Variants in SYT1 observed in about 807,000 individuals in gnomAD.
SYT1 encodes the protein synaptotagmin 1, also known as synaptotagmin-1.
A neutral mutation model predicts 44.8 loss-of-function variants in SYT1; 8 were observed. The ratio of observed to expected loss-of-function variants is 0.18; its 90% CI spans 0.10 to 0.32. SYT1 has a LOEUF of 0.32. Among genes scored for constraint, SYT1 ranks in the 10% least tolerant of loss-of-function variants. The pLI, the probability that SYT1 is intolerant of heterozygous loss-of-function variation, is 1.00. For synonymous variants in SYT1, 154 were observed against 188.8 expected, an observed-to-expected ratio of 0.82 and a Z score of 1.51; for missense variants, 286 against 509.3, an observed-to-expected ratio of 0.56 and a Z score of 4.22.
chr12:79,072,849 A>G (rs1014471968), intron 3 of SYT1, among the ~76,000 whole-genome samples: 6 of 152,264 alleles, frequency 3.9e-5, no homozygotes, highest in Middle Eastern at 3.4e-3. Context: ...ACAGCAATGA[A>G]CACAATGTTC....
intron 3 of SYT1, among the ~76,000 whole-genome samples, chr12:79,135,176 A>C (rs900889735): frequency 6.6e-6 from 1 of 152,016 alleles, no homozygotes; most frequent in African/African-American, 2.4e-5. Flanking sequence ...ATATGTATAC[A>C]TGTGCCATGT....
chr12:78,953,028 A>T (rs1879043362), intron 1 of SYT1, among the ~76,000 whole-genome samples: 2 of 152,110 alleles, frequency 1.3e-5, no homozygotes, highest in African/African-American at 4.8e-5. Flanking sequence ...TTAAATATTC[A>T]GTTTACTTCA....
intron 1 of SYT1, among the ~76,000 whole-genome samples, chr12:78,968,394 A>G (rs1455842171): frequency 1.3e-5 from 2 of 152,176 alleles, no homozygotes; most frequent in Admixed American, 1.3e-4. Flanking sequence ...ACCACCCTCA[A>G]AAGGAAACTT....
intron 9 of SYT1, among the ~76,000 whole-genome samples, chr12:79,383,993 C>G (rs972706728): frequency 3.3e-5 from 5 of 152,072 alleles, no homozygotes; most frequent in African/African-American, 1.2e-4. Flanking sequence ...TATTTGTGTC[C>G]TAACTATTTA....
chr12:79,041,120 T>G (rs1183767326), intron 2 of SYT1, among the ~76,000 whole-genome samples: 1 of 151,900 alleles, frequency 6.6e-6, no homozygotes, highest in East Asian at 1.9e-4. Flanking sequence ...CTTTTTTGGT[T>G]CCATATGAAC....
At chr12:78,976,015 A>T (rs538946561) in intron 1 of SYT1, among the ~76,000 whole-genome samples, 1 of 152,278 alleles carries the variant, frequency 6.6e-6, no homozygotes, top group South Asian at 2.1e-4. Flanking sequence ...CAGCAAACAA[A>T]CAGTGTTGGT....
At chr12:78,867,819 T>C (rs74107089) in intron 1 of SYT1, among the ~76,000 whole-genome samples, 21 of 152,130 alleles carry the variant, frequency 1.4e-4, no homozygotes, top group African/African-American at 4.8e-4. Context: ...ATTGTATTTA[T>C]ACGATTTGCA....
intron 1 of SYT1, among the ~76,000 whole-genome samples, chr12:78,976,390 T>G (rs895963557): frequency 6.6e-5 from 10 of 152,202 alleles, no homozygotes; most frequent in African/African-American, 2.4e-4. Flanking sequence ...GGAATAAAAC[T>G]CTCTTGTGAA....
At chr12:79,187,027 A>C (rs567326687) in intron 3 of SYT1, among the ~76,000 whole-genome samples, 1 of 152,172 alleles carries the variant, frequency 6.6e-6, no homozygotes, top group Admixed American at 6.6e-5. Flanking sequence ...TACTAATTAG[A>C]TATAAGAAAG....
chr12:78,985,363 C>T (rs1869570573), intron 2 of SYT1, among the ~76,000 whole-genome samples: 2 of 151,774 alleles, frequency 1.3e-5, no homozygotes, highest in African/African-American at 2.4e-5. Context: ...TAACTGTAAG[C>T]AAGGGAGAAT....
At chr12:79,389,864 T>A (rs988879174) in intron 9 of SYT1, among the ~76,000 whole-genome samples, 3 of 152,178 alleles carry the variant, frequency 2.0e-5, no homozygotes, top group African/African-American at 7.2e-5. Flanking sequence ...TCACTCTAGC[T>A]ACCCAATGCA....
chr12:79,041,006 C>G (rs1325363581), intron 2 of SYT1, among the ~76,000 whole-genome samples: 5 of 151,752 alleles, frequency 3.3e-5, no homozygotes, highest in Admixed American at 2.6e-4. Context: ...TACCAGTACC[C>G]TGCTGTTTTG....
intron 3 of SYT1, among the ~76,000 whole-genome samples, chr12:79,088,552 G>A (rs1877544735): frequency 6.6e-6 from 1 of 151,748 alleles, no homozygotes; most frequent in African/African-American, 2.4e-5. Context: ...GCTGGAGGAG[G>A]GAAAGGCACA....
chr12:79,370,664 G>T (rs1433344092), intron 9 of SYT1, among the ~76,000 whole-genome samples: 1 of 152,168 alleles, frequency 6.6e-6, no homozygotes, highest in Non-Finnish European at 1.5e-5. Context: ...TCAGGAGGCT[G>T]AGACAGGAGA....
chr12:78,979,706 T>A (rs2137431778), intron 2 of SYT1, among the ~76,000 whole-genome samples: 1 of 152,232 alleles, frequency 6.6e-6, no homozygotes, highest in South Asian at 2.1e-4. Flanking sequence ...ATATCTTAAA[T>A]TAAAATTTTA....
At chr12:79,436,911 G>A (rs115357439) in intron 9 of SYT1, among the ~76,000 whole-genome samples, 144 of 152,200 alleles carry the variant, frequency 9.5e-4, no homozygotes, top group African/African-American at 3.3e-3. Flanking sequence ...TGTACTTTAC[G>A]GTAGTACAGA....
At chr12:78,991,585 G>A (rs957342366) in intron 2 of SYT1, among the ~76,000 whole-genome samples, 3 of 152,066 alleles carry the variant, frequency 2.0e-5, no homozygotes, top group East Asian at 1.9e-4. Context: ...ATCATTTTCT[G>A]TAAAAGAAGA....
Position 78,986,396 on chromosome 12 carries a change from A to T in SYT1, c.-84+8465A>T, listed in dbSNP as rs531855273. ...TTTTATTAGTCAGTAGTTTTTTTTG[A>T]TGAAACAGTGACATCAATTTCTTTC... On this transcript the variant is annotated intron_variant, in intron 2 of 10. Coordinates refer to ENST00000261205, the MANE Select transcript of SYT1 (RefSeq NM_005639.3). Among the ~76,000 whole-genome samples, 8 of 151,918 alleles carry T rather than the reference A, an allele frequency of 5.3e-5. No individual in the cohort carries two copies. In the South Asian group the frequency reaches 1.0e-3, roughly 20 times the overall value.
intron 8 of SYT1, among the ~76,000 whole-genome samples, chr12:79,332,898 C>A (rs1424365346): frequency 6.6e-6 from 1 of 152,144 alleles, no homozygotes; most frequent in Non-Finnish European, 1.5e-5. Flanking sequence ...GATTTTGTTT[C>A]TATTACCCAC....
Sources: gnomAD v4.1 joint callset for allele counts (sites outside exome capture counted in the v4.1 genomes callset) on GRCh38, gnomAD v4.1.1 for gene constraint, MANE v1.5 for transcripts, NCBI Gene and HGNC (gene_info 2026-07-23, HGNC 2026-07-21) for gene names.